The following CDHR5 variants were observed in gnomAD, a reference collection of about 807,000 sequenced individuals.
CDHR5 encodes the protein cadherin related family member 5.
In CDHR5, 82 loss-of-function variants were observed where a neutral mutation model predicts 69.5. That is an observed-to-expected ratio of 1.18 (90% CI 0.99 to 1.42). The LOEUF is 1.42. Among genes scored for constraint, CDHR5 ranks in the 40% most tolerant of loss-of-function variants. CDHR5 has a pLI of 0.00. For missense variants in CDHR5, 1,293 were observed against 1,168.9 expected, an observed-to-expected ratio of 1.11 and a Z score of -1.55; for synonymous variants, 601 against 510.2, an observed-to-expected ratio of 1.18 and a Z score of -2.40.
intron 7 of CDHR5, 63 bp from the exon 8 acceptor site, chr11:620,449 C>G: frequency 8.6e-7 from 1 of 1,161,988 alleles, no homozygotes; most frequent in Non-Finnish European, 1.2e-6. Context: ...CAGCCTGGCC[C>G]CTCTGACTCC....
chr11:621,698 C>T lies in CDHR5; in HGVS notation c.406-35G>A, dbSNP rs1464166191. ...GAGAGGGGCTTGGTCCGGCCACACT[C>T]TTGGCCCCTGTGGACCCCCACTGTG... On this transcript the variant is annotated intron_variant, in intron 4 of 14. Transcript: ENST00000397542. This position sits in a 1 kb window ranked among gnomAD's most constrained non-coding sequence, Gnocchi z 4.4. The T allele has an allele frequency of 4.5e-6, 7 of 1,570,536 alleles. No homozygotes were observed. The highest frequency in any genetic ancestry group is 6.1e-6 in the Non-Finnish European group (7 of 1,141,064).
chr11:624,754 A>T lies in CDHR5; in HGVS notation c.86-22T>A. 6.2e-7 allele frequency: 1 copy of T among 1,603,626 alleles called. No homozygotes were observed. The highest frequency in any genetic ancestry group is 8.5e-7 in the Non-Finnish European group (1 of 1,173,320). On this transcript the variant is annotated intron_variant, in intron 1 of 14. Coordinates refer to ENST00000397542, the MANE Select transcript of CDHR5 (RefSeq NM_021924.5). The surrounding 1 kb of genome is among the most constrained non-coding windows in gnomAD (Gnocchi z 5.3). ...CAGTCTGTAAGGTTGCAGAGGAGGGATCAGTGCCTCCCAGCCCCTGGCTCC... is the reference window on the plus strand; with the variant it reads ...CAGTCTGTAAGGTTGCAGAGGAGGGTTCAGTGCCTCCCAGCCCCTGGCTCC...
In CDHR5 at chr11:618,911, G is replaced by A; in HGVS notation, c.1648C>T (p.Pro550Ser). ...CTGGTTCCCACACCGGGGGGCATCG[G>A]CTGAGAGGTTCCTGGCTTTGGGGTC... The part of the protein sequence containing the change: ...AQTPKPGTSQ[P>S]MPPGVGTSTS... The change falls in exon 13 of 15, where the codon CCG becomes TCG. Residue 550 changes from proline to serine, a missense_variant. Physicochemically the swap from Pro to Ser is moderately conservative, Grantham distance 74. Transcript: ENST00000397542. The A allele has an allele frequency of 6.2e-7, 1 of 1,608,674 alleles. No individual in the cohort carries two copies. Among genetic ancestry groups the A allele is most frequent in the Non-Finnish European group, 8.5e-7 (1 of 1,176,766 alleles).
In CDHR5 at chr11:619,253, C is replaced by T. The variant is rs1589936173; in HGVS notation, c.1378+53G>A. ...ACACCTACCGCGGGAAAGGAGCCAC[C>T]GAAGGGGCTTATTTGGAGAACCCTG... is the stretch of plus-strand genomic sequence containing the variant. On this transcript the variant is annotated intron_variant, in intron 12 of 14. Transcript: ENST00000397542. 18 of 1,496,744 alleles carry T rather than the reference C, an allele frequency of 1.2e-5. No individual in the cohort carries two copies. The East Asian group carries it at 1.4e-4, about 11-fold the overall frequency. 92.7% of individuals were successfully genotyped at this position (1,496,744 alleles called of 1,614,324 possible). A position where few individuals can be genotyped will look rare whatever the true frequency, so the allele number is the denominator to read the frequency against.
Position 620,351 on chromosome 11 carries a change from G to A in CDHR5, c.825C>T (p.Tyr275=), listed in dbSNP as rs1185373418. The change falls in exon 8 of 15, where the codon TAC becomes TAT. Residue 275 remains tyrosine, a synonymous_variant. Transcript: ENST00000397542. The part of the protein sequence containing the change: ...SPLVLRPGPI[Y]AEDGDRGINQ... ...TGATGCCGCGGTCTCCGTCCTCAGCGTAGATGGGTCCGGGACGCAGGACGA... is the reference window on the plus strand; with the variant it reads ...TGATGCCGCGGTCTCCGTCCTCAGCATAGATGGGTCCGGGACGCAGGACGA... The A allele has an allele frequency of 5.0e-6, 8 of 1,612,528 alleles. No individual in the cohort carries two copies. In the East Asian group the frequency reaches 6.7e-5, roughly 13 times the overall value.
chr11:619,944 G>A (rs960664823), intron 9 of CDHR5, 63 bp from the exon 10 acceptor site: 2 of 1,453,240 alleles, frequency 1.4e-6, no homozygotes, highest in African/African-American at 1.4e-5. Context: ...CTGAAGGCTG[G>A]GGCTCAGGAA....
intron 8 of CDHR5, 62 bp from the exon 9 acceptor site, chr11:620,226 T>A: frequency 6.3e-7 from 1 of 1,586,118 alleles, no homozygotes; most frequent in Non-Finnish European, 8.6e-7. Flanking sequence ...CAGCCAGCTC[T>A]GCCCAAGGTG....
Position 618,598 on chromosome 11 carries a change from C to A in CDHR5, c.1960+1G>T, listed in dbSNP as rs766123698. 7.4e-6 allele frequency: 12 copies of A among 1,613,730 alleles called. No individual in the cohort carries two copies. The highest frequency in any genetic ancestry group is 1.0e-5 in the Non-Finnish European group (12 of 1,179,978). ...AGGGAAGGCAACAGAGTGGGTGCTA[C>A]CTGAAGATGGGGTGCTCTTGCTGAG... On this transcript the variant is annotated splice_donor_variant, in intron 13 of 14. Coordinates refer to ENST00000397542, the MANE Select transcript of CDHR5 (RefSeq NM_021924.5). LOFTEE classifies it high-confidence loss of function.
Position 624,519 on chromosome 11 carries a change from C to T in CDHR5, c.261+38G>A. 1.9e-6 allele frequency: 3 copies of T among 1,603,816 alleles called. No individual in the cohort carries two copies. Among genetic ancestry groups the T allele is most frequent in the Non-Finnish European group, 8.5e-7 (1 of 1,172,390 alleles). ...GGCCTGAGGATGCAGGTGCCCTTCT[C>T]CCGGGACCCCCATATCCCGCCCGCC... is the stretch of plus-strand genomic sequence containing the variant. On this transcript the variant is annotated intron_variant, in intron 2 of 14. Transcript: ENST00000397542. The surrounding 1 kb of genome is among the most constrained non-coding windows in gnomAD (Gnocchi z 5.3).
Position 624,859 on chromosome 11 carries a change from C to G in CDHR5, c.44G>C (p.Gly15Ala), listed in dbSNP as rs761760461. Reference protein sequence around the residue: ...ALLWPPLLFTGLLVRPPGTMA... With the variant: ...ALLWPPLLFTALLVRPPGTMA... The stretch of plus-strand genomic sequence containing the variant: ...GGTCCCCGGGGGTCGGACGAGCAGC[C>G]CGGTGAACAGCAGGGGAGGCCACAG... The change falls in exon 1 of 15, where the codon GGG becomes GCG. Residue 15 changes from glycine to alanine, a missense_variant. By Grantham distance (60) the Gly-to-Ala change is moderately conservative. Coordinates refer to ENST00000397542, the MANE Select transcript of CDHR5 (RefSeq NM_021924.5). This position sits in a 1 kb window ranked among gnomAD's most constrained non-coding sequence, Gnocchi z 5.3. 1 of 1,589,146 alleles carries G rather than the reference C, an allele frequency of 6.3e-7. No homozygotes were observed. The highest frequency in any genetic ancestry group is 8.5e-7 in the Non-Finnish European group (1 of 1,169,764).
rs1332838034 is a variant in CDHR5, at chr11:619,070, C to T, written c.1489G>A (p.Gly497Arg). 6.2e-7 allele frequency: 1 copy of T among 1,612,528 alleles called. No individual in the cohort carries two copies. The highest frequency in any genetic ancestry group is 1.7e-4 in the Middle Eastern group (1 of 6,058). ...GGTGGATGAGGGCCTGTGCCTCCCC[C>T]AGAGCTGGTCGTGGAGGGTCCCTGG... ...PSQGPSTTSS[G>R]GGTGPHPPSG... The change falls in exon 13 of 15, where the codon GGG becomes AGG. Residue 497 changes from glycine (G) to arginine (R), a missense_variant. By Grantham distance (125) the Gly-to-Arg change is moderately radical. Coordinates refer to ENST00000397542, the MANE Select transcript of CDHR5 (RefSeq NM_021924.5).
chr11:617,657 G>A lies in CDHR5; in HGVS notation c.2232C>T (p.Pro744=), dbSNP rs780622120. ...HDPKPAEAPM[P]AEPAPPGPAS... ...CAGGGCCGGGGGGTGCGGGCTCTGC[G>A]GGCATCGGTGCCTCCGCGGGCTTGG... is the stretch of plus-strand genomic sequence containing the variant. Residue 744 remains proline (P), a synonymous_variant, in exon 15 of 15, where the codon CCC becomes CCT. Coordinates refer to ENST00000397542, the MANE Select transcript of CDHR5 (RefSeq NM_021924.5). 1.4e-5 allele frequency: 21 copies of A among 1,522,878 alleles called. 1 individual carries two copies. The highest frequency in any genetic ancestry group is 5.0e-5 in the South Asian group (4 of 80,694). 94.3% of individuals were successfully genotyped at this position (1,522,878 alleles called of 1,614,324 possible).
In CDHR5 at chr11:624,675, G is replaced by A. The variant is rs753258932; in HGVS notation, c.143C>T (p.Pro48Leu). 5.6e-6 allele frequency: 9 copies of A among 1,613,302 alleles called. No homozygotes were observed. The East Asian group carries it at 8.9e-5, about 16-fold the overall frequency. The change falls in exon 2 of 15, where the codon CCG (proline) becomes CTG (leucine). Residue 48 changes from proline to leucine, a missense_variant. Physicochemically the swap from Pro to Leu is moderately conservative, Grantham distance 98. Transcript: ENST00000397542. This position sits in a 1 kb window ranked among gnomAD's most constrained non-coding sequence, Gnocchi z 5.3. ...CTCCGGGACGTGGATGTCCACCAGC[G>A]GCTCGGTGACATTTGTGTTCTCCTC... ...EVEENTNVTE[P>L]LVDIHVPEGQ...
At position 621,377 on chromosome 11, in the gene CDHR5, G is replaced by A. The variant is rs528368646; in HGVS notation, c.586C>T (p.Arg196Trp). 2.2e-5 allele frequency: 35 copies of A among 1,612,980 alleles called. 1 individual carries two copies. Among genetic ancestry groups the A allele is most frequent in the East Asian group, 4.5e-5 (2 of 44,886 alleles). ...AGCAGCCAGAAGGTCATGTTCGGCC[G>A]CTCGTAGAAGTCCAGGGGCCGGTCC... ...RLDRPLDFYE[R>W]PNMTFWLLVR... is the part of the protein sequence containing the mutation. The change falls in exon 6 of 15, where the codon CGG (arginine) becomes TGG (tryptophan). Residue 196 changes from arginine to tryptophan, a missense_variant. Physicochemically the swap from Arg to Trp is moderately radical, Grantham distance 101. Coordinates refer to ENST00000397542, the MANE Select transcript of CDHR5 (RefSeq NM_021924.5). This position sits in a 1 kb window ranked among gnomAD's most constrained non-coding sequence, Gnocchi z 4.4.
chr11:621,638 A>G lies in CDHR5; in HGVS notation c.431T>C (p.Ile144Thr), dbSNP rs778184570. The change falls in exon 5 of 15, where the codon ATC becomes ACC. Residue 144 changes from isoleucine (I) to threonine (T), a missense_variant. Coordinates refer to ENST00000397542, the MANE Select transcript of CDHR5 (RefSeq NM_021924.5). This position sits in a 1 kb window ranked among gnomAD's most constrained non-coding sequence, Gnocchi z 4.4. ...EEDTKVNSTVIPETQLQAEDR... is the reference protein window; with the variant it reads ...EEDTKVNSTVTPETQLQAEDR... ...CTCAGCCTGCAGTTGCGTCTCGGGG[A>G]TGACGGTGGAGTTCACTTTCGTGTC... 7 of 1,613,204 alleles carry G rather than the reference A, an allele frequency of 4.3e-6. No homozygotes were observed. The highest frequency in any genetic ancestry group is 5.9e-6 in the Non-Finnish European group (7 of 1,179,602).
Position 618,927 on chromosome 11 carries a change from C to T in CDHR5, c.1632G>A (p.Lys544=). ...TPGGDTAQTP[K]PGTSQPMPPG... ...GGGGCATCGGCTGAGAGGTTCCTGG[C>T]TTTGGGGTCTGTGCTGTGTCCCCAC... The change falls in exon 13 of 15, where the codon AAG becomes AAA. Residue 544 remains lysine, a synonymous_variant. Transcript: ENST00000397542. The T allele has an allele frequency of 1.2e-6, 2 of 1,608,306 alleles. No homozygotes were observed. Among genetic ancestry groups the T allele is most frequent in the Non-Finnish European group, 8.5e-7 (1 of 1,176,660 alleles).
Position 620,354 on chromosome 11 carries a change from G to T in CDHR5, c.822C>A (p.Ile274=). Residue 274 remains isoleucine, a synonymous_variant, in exon 8 of 15, where the codon ATC becomes ATA. Transcript: ENST00000397542. The part of the protein sequence containing the change: ...PSPLVLRPGP[I]YAEDGDRGIN... ...TGCCGCGGTCTCCGTCCTCAGCGTA[G>T]ATGGGTCCGGGACGCAGGACGAGGG... 6.2e-7 allele frequency: 1 copy of T among 1,612,624 alleles called. No homozygotes were observed. The highest frequency in any genetic ancestry group is 8.5e-7 in the Non-Finnish European group (1 of 1,179,192).
Position 624,653 on chromosome 11 carries a change from C to G in CDHR5, c.165G>C (p.Pro55=). The G allele has an allele frequency of 6.2e-7, 1 of 1,613,582 alleles. No individual in the cohort carries two copies. The highest frequency in any genetic ancestry group is 1.1e-5 in the South Asian group (1 of 91,022). ...VTEPLVDIHV[P]EGQEVTLGAL... ...CTCCGAGGGTCACCTCCTGGCCCTC[C>G]GGGACGTGGATGTCCACCAGCGGCT... The change falls in exon 2 of 15, where the codon CCG becomes CCC. Residue 55 remains proline (P), a synonymous_variant. Coordinates refer to ENST00000397542, the MANE Select transcript of CDHR5 (RefSeq NM_021924.5). The surrounding 1 kb of genome is among the most constrained non-coding windows in gnomAD (Gnocchi z 5.3).
chr11:620,219 C>T (rs1208163570), intron 8 of CDHR5, 55 bp from the exon 9 acceptor site: 6 of 1,585,910 alleles, frequency 3.8e-6, no homozygotes, highest in Non-Finnish European at 5.2e-6. Context: ...AGGGACCCAG[C>T]CAGCTCTGCC....
Sources: allele counts gnomAD v4.1 joint callset, GRCh38; gene constraint gnomAD v4.1.1; non-coding constraint Gnocchi (gnomAD v3.1); transcripts MANE v1.5; gene names NCBI Gene and HGNC (gene_info 2026-07-23, HGNC 2026-07-21).